NUBPL: variants seen among roughly 807,000 people sequenced by gnomAD.
NUBPL encodes the protein NUBP iron-sulfur cluster assembly factor, mitochondrial.
A neutral mutation model predicts 45.7 loss-of-function variants in NUBPL; 31 were observed. That is an observed-to-expected ratio of 0.68 (90% CI 0.51 to 0.92). The LOEUF (loss-of-function observed/expected upper bound fraction) is 0.92, where lower values mean the gene tolerates loss of function less well. NUBPL is among the 40% of genes least tolerant of loss of function. The pLI, the probability that NUBPL is intolerant of heterozygous loss-of-function variation, is 0.00. For synonymous variants in NUBPL, 144 were observed against 140.9 expected (o/e 1.02, Z -0.15); for missense variants, 401 against 398.7 (o/e 1.01, Z -0.05).
chr14:31,748,606 T>A (rs8021182), intron 6 of NUBPL, among the ~76,000 whole-genome samples: 24,290 of 151,400 alleles, frequency 0.16, 5,553 homozygotes, highest in African/African-American at 0.52. Flanking sequence ...TAGTTCTTCC[T>A]GCTTTGTTAT....
chr14:31,593,547 T>A (rs1461882820), intron 3 of NUBPL, among the ~76,000 whole-genome samples: 1 of 144,132 alleles, frequency 6.9e-6, no homozygotes, highest in Non-Finnish European at 1.5e-5. Flanking sequence ...AGAGTGAGGG[T>A]TTTGGTATGG....
intron 9 of NUBPL, 35 bp from the exon 10 acceptor site, chr14:31,850,084 T>G: frequency 6.5e-7 from 1 of 1,537,064 alleles, no homozygotes. Flanking sequence ...TATGAACTTT[T>G]CTGGTTCTAA....
intron 4 of NUBPL, among the ~76,000 whole-genome samples, chr14:31,615,452 C>A (rs191994358): frequency 6.6e-6 from 1 of 152,236 alleles, no homozygotes; most frequent in Admixed American, 6.5e-5. Flanking sequence ...CCTAGCCCCC[C>A]CAACTCACTG....
At chr14:31,740,205 A>T (rs191025382) in intron 6 of NUBPL, among the ~76,000 whole-genome samples, 1 of 152,296 alleles carries the variant, frequency 6.6e-6, no homozygotes, top group South Asian at 2.1e-4. Context: ...TGGTAAGAGT[A>T]TGTTTAATTT....
At chr14:31,731,364 A>G (rs1440011232) in intron 6 of NUBPL, among the ~76,000 whole-genome samples, 1 of 152,224 alleles carries the variant, frequency 6.6e-6, no homozygotes, top group East Asian at 1.9e-4. Context: ...TCCAAATTCC[A>G]TCATTACCTT....
At chr14:31,793,997 T>G (rs1362921268) in intron 7 of NUBPL, among the ~76,000 whole-genome samples, 1 of 97,634 alleles carries the variant, frequency 1.0e-5, no homozygotes, top group African/African-American at 4.2e-5. Context: ...TTTTTGTTCT[T>G]GCGATAGTTT....
chr14:31,589,254 T>C (rs916614816), intron 3 of NUBPL, among the ~76,000 whole-genome samples: 1 of 152,106 alleles, frequency 6.6e-6, no homozygotes, highest in Non-Finnish European at 1.5e-5. Flanking sequence ...TTCTTAGTTT[T>C]TGAACTTTAT....
intron 4 of NUBPL, among the ~76,000 whole-genome samples, chr14:31,602,973 A>T (rs1235824268): frequency 6.6e-6 from 1 of 152,200 alleles, no homozygotes; most frequent in Non-Finnish European, 1.5e-5. Flanking sequence ...CATTTAAAAA[A>T]TAAAGCTATC....
intron 7 of NUBPL, among the ~76,000 whole-genome samples, chr14:31,799,855 T>C (rs2039551168): frequency 6.6e-6 from 1 of 152,216 alleles, no homozygotes; most frequent in South Asian, 2.1e-4. Flanking sequence ...CTGCATCAAC[T>C]GACTCTTCCT....
intron 4 of NUBPL, among the ~76,000 whole-genome samples, chr14:31,647,554 G>C (rs1478628409): frequency 2.6e-5 from 4 of 152,152 alleles, no homozygotes; most frequent in Non-Finnish European, 5.9e-5. Flanking sequence ...TTTGTGCACA[G>C]GGGACCTGTG....
At chr14:31,634,746 A>G (rs1436135466) in intron 4 of NUBPL, among the ~76,000 whole-genome samples, 7 of 149,614 alleles carry the variant, frequency 4.7e-5, no homozygotes, top group Admixed American at 6.7e-5. Flanking sequence ...CCTCTCCAGC[A>G]CCTGTTGTTT....
Position 31,673,476 on chromosome 14 carries a change from T to C in NUBPL, c.423-8T>C, listed in dbSNP as rs1305802587. The C allele has an allele frequency of 2.5e-6, 4 of 1,612,806 alleles. No homozygotes were observed. Among genetic ancestry groups the C allele is most frequent in the African/African-American group, 2.7e-5 (2 of 74,890 alleles). ...CAAATTAGTTGTATTTTTATGTTAC[T>C]GTTGCAGTATGTCTATGGGCTTTCT... is the stretch of plus-strand genomic sequence containing the variant. On this transcript the variant is annotated splice_region_variant and splice_polypyrimidine_tract_variant and intron_variant, in intron 5 of 10. Transcript: ENST00000281081.
intron 10 of NUBPL, among the ~76,000 whole-genome samples, chr14:31,852,217 T>C (rs1166164858): frequency 6.6e-6 from 1 of 152,194 alleles, no homozygotes; most frequent in Non-Finnish European, 1.5e-5. Context: ...TGAAAATACC[T>C]TGAAAAATGC....
Position 31,760,378 on chromosome 14 carries a change from C to T in NUBPL, c.514-27402C>T, listed in dbSNP as rs1301864940. Reference sequence around the variant, plus strand: ...TGCGTTGCCAGTCTGGTGTCAAACTCCTGGGCTGAAGCAGTCCGTCCACCT... The same window carrying T: ...TGCGTTGCCAGTCTGGTGTCAAACTTCTGGGCTGAAGCAGTCCGTCCACCT... On this transcript the variant is annotated intron_variant, in intron 6 of 10. Coordinates refer to ENST00000281081, the MANE Select transcript of NUBPL (RefSeq NM_025152.3). Among the ~76,000 whole-genome samples, 8 of 151,904 alleles carry T rather than the reference C, an allele frequency of 5.3e-5. No individual in the cohort carries two copies. In the East Asian group the frequency reaches 1.6e-3, roughly 30 times the overall value.
intron 6 of NUBPL, among the ~76,000 whole-genome samples, chr14:31,766,463 G>A (rs2038914207): frequency 6.6e-6 from 1 of 152,162 alleles, no homozygotes; most frequent in Admixed American, 6.5e-5. Context: ...ATGGGACCCA[G>A]CTGCACAATG....
intron 4 of NUBPL, among the ~76,000 whole-genome samples, chr14:31,652,640 T>A (rs943141905): frequency 2.0e-5 from 3 of 152,196 alleles, no homozygotes; most frequent in Non-Finnish European, 4.4e-5. Flanking sequence ...ATTTCTAATA[T>A]GTGTGCCCTG....
chr14:31,833,405 C>G (rs140640865), intron 8 of NUBPL, among the ~76,000 whole-genome samples: 206 of 152,122 alleles, frequency 1.4e-3, no homozygotes, highest in African/African-American at 4.7e-3. Context: ...TTAAACACTA[C>G]TGTTTTTTGA....
intron 3 of NUBPL, among the ~76,000 whole-genome samples, chr14:31,582,739 A>G (rs1427448456): frequency 6.6e-6 from 1 of 152,186 alleles, no homozygotes; most frequent in East Asian, 1.9e-4. Flanking sequence ...TTTCCTTATT[A>G]TAAACGATAC....
intron 4 of NUBPL, among the ~76,000 whole-genome samples, chr14:31,640,792 A>G (rs1242856156): frequency 6.6e-6 from 1 of 152,150 alleles, no homozygotes; most frequent in Non-Finnish European, 1.5e-5. Context: ...TGTAAAGACC[A>G]AATCAGGGTA....
Sources: allele counts gnomAD v4.1 joint callset (sites outside exome capture counted in the v4.1 genomes callset), GRCh38; gene constraint gnomAD v4.1.1; transcripts MANE v1.5; gene names NCBI Gene and HGNC (gene_info 2026-07-23, HGNC 2026-07-21).